The following SHMT1 variants were observed in gnomAD, a reference collection of about 807,000 sequenced individuals.
SHMT1 encodes the protein serine hydroxymethyltransferase, cytosolic.
In SHMT1, 45 loss-of-function variants were observed where a neutral mutation model predicts 49.0. That is an observed-to-expected ratio of 0.92 (90% confidence interval 0.72 to 1.18). The LOEUF (loss-of-function observed/expected upper bound fraction) is 1.18. SHMT1 is among the 50% of genes most tolerant of loss of function. SHMT1 has a pLI of 0.00. For missense variants in SHMT1, 541 were observed against 612.4 expected (o/e 0.88, Z 1.23); for synonymous variants, 232 against 246.6 (o/e 0.94, Z 0.55).
intron 5 of SHMT1, among the ~76,000 whole-genome samples, chr17:18,346,432 C>T (rs1985085759): frequency 1.3e-5 from 2 of 152,066 alleles, no homozygotes; most frequent in Non-Finnish European, 2.9e-5. Flanking sequence ...ATTTTTTGAC[C>T]CAACTGTTTA....
intron 5 of SHMT1, among the ~76,000 whole-genome samples, chr17:18,344,186 C>G (rs116754130): frequency 6.6e-6 from 1 of 152,102 alleles, no homozygotes; most frequent in Non-Finnish European, 1.5e-5. Flanking sequence ...TATAATCCAA[C>G]CCAACTATAG....
At chr17:18,359,981 C>T (rs1249108568) in intron 1 of SHMT1, among the ~76,000 whole-genome samples, 1 of 147,506 alleles carries the variant, frequency 6.8e-6, no homozygotes. Flanking sequence ...GGCACAGTGG[C>T]TCACACCTGT....
intron 7 of SHMT1, among the ~76,000 whole-genome samples, chr17:18,337,516 C>T (rs772770290): frequency 3.3e-5 from 5 of 151,944 alleles, no homozygotes; most frequent in Admixed American, 1.3e-4. Context: ...GACCCTGCCT[C>T]GGGTAAGAGT....
Position 18,328,027 on chromosome 17 carries a change from C to T in SHMT1, c.*723G>A, listed in dbSNP as rs926627914. 2.0e-5 allele frequency: 3 copies of T among 152,506 alleles called. No individual in the cohort carries two copies. The highest frequency in any genetic ancestry group is 3.8e-4 in the East Asian group (2 of 5,200). The allele number at this position is 152,506 out of a possible 1,614,324, so 9.4% of individuals were successfully genotyped here. On this transcript the variant is annotated 3_prime_UTR_variant, in exon 12 of 12. Transcript: ENST00000316694. ...TCATCTATGTTTTGCACTTCAGCTACGTGAAAATAAAATTTCTTTGGGAAG... is the reference window on the plus strand; with the variant it reads ...TCATCTATGTTTTGCACTTCAGCTATGTGAAAATAAAATTTCTTTGGGAAG...
chr17:18,341,631 G>C (rs971159050), intron 5 of SHMT1: 1 of 123,448 alleles, frequency 8.1e-6, no homozygotes, highest in Non-Finnish European at 1.6e-5. Context: ...CTGGGCAACA[G>C]AGCGAGACTC....
chr17:18,362,818 T>C (rs1202271068), intron 1 of SHMT1, among the ~76,000 whole-genome samples: 2 of 152,106 alleles, frequency 1.3e-5, no homozygotes, highest in Non-Finnish European at 2.9e-5. Flanking sequence ...GGGTGGCAGA[T>C]TGCGGGCAAC....
chr17:18,349,023 A>G (rs1385120262), intron 3 of SHMT1, among the ~76,000 whole-genome samples: 1 of 152,028 alleles, frequency 6.6e-6, no homozygotes. Context: ...ATCACATGCT[A>G]TTAATACAAC....
intron 5 of SHMT1, among the ~76,000 whole-genome samples, chr17:18,346,527 T>C (rs536347098): frequency 6.6e-6 from 1 of 152,258 alleles, no homozygotes; most frequent in Non-Finnish European, 1.5e-5. Flanking sequence ...TCTGATGGTG[T>C]TGGTTCCACT....
chr17:18,359,876 G>A (rs1986594588), intron 1 of SHMT1, among the ~76,000 whole-genome samples: 1 of 151,900 alleles, frequency 6.6e-6, no homozygotes, highest in Non-Finnish European at 1.5e-5. Flanking sequence ...AACCCAGGAG[G>A]CGGAGACTGT....
intron 5 of SHMT1, among the ~76,000 whole-genome samples, chr17:18,344,288 G>A (rs968308639): frequency 2.0e-5 from 3 of 152,154 alleles, no homozygotes; most frequent in African/African-American, 7.2e-5. Context: ...TTTTGCTTCA[G>A]GGGTGTGGTT....
intron 1 of SHMT1, among the ~76,000 whole-genome samples, 169 bp from the exon 2 acceptor site, chr17:18,356,169 CA>C (rs1170092083): frequency 1.3e-5 from 2 of 152,034 alleles, no homozygotes; most frequent in Non-Finnish European, 1.5e-5. Context: ...TCTCCTGCCT[CA>C]ATCTTCTGAC....
In SHMT1 at chr17:18,333,055, C is replaced by G. The variant is rs771186207; in HGVS notation, c.1054+111G>C. ...TGACCTCCTCCCAAGGTGGGCCCAT[C>G]ATTGCAGCTGCAGCAGCAGAGCCTG... On this transcript the variant is annotated intron_variant, in intron 9 of 11. Coordinates refer to ENST00000316694, the MANE Select transcript of SHMT1 (RefSeq NM_004169.5). 57 of 1,389,040 alleles carry G rather than the reference C, an allele frequency of 4.1e-5. No homozygotes were observed. In the African/African-American group the frequency reaches 5.9e-4, roughly 14 times the overall value. The allele number at this position is 1,389,040 out of a possible 1,614,324, so 86.0% of individuals were successfully genotyped here.
chr17:18,336,180 G>A (rs1983767946), intron 7 of SHMT1, among the ~76,000 whole-genome samples: 1 of 152,114 alleles, frequency 6.6e-6, no homozygotes, highest in Admixed American at 6.5e-5. Context: ...GGGAGGCTGA[G>A]GCAGAAGAAT....
chr17:18,331,277 C>T (rs1464233615), intron 9 of SHMT1: 1 of 187,776 alleles, frequency 5.3e-6, no homozygotes, highest in Non-Finnish European at 1.1e-5. Context: ...ACTGGGGCCT[C>T]TGCTTCTGAG....
intron 3 of SHMT1, among the ~76,000 whole-genome samples, chr17:18,351,688 C>T (rs1337114172): frequency 6.6e-6 from 1 of 151,882 alleles, no homozygotes. Context: ...GCAAGAGAAT[C>T]GCTTGAACCT....
intron 9 of SHMT1, 124 bp downstream of exon 9, chr17:18,333,042 A>C: frequency 1.6e-6 from 2 of 1,279,932 alleles, no homozygotes; most frequent in Non-Finnish European, 1.1e-6. Flanking sequence ...ACCTCCTCCC[A>C]AGGTGGGCCC....
chr17:18,332,330 G>C (rs1983302483), intron 9 of SHMT1: 1 of 152,478 alleles, frequency 6.6e-6, no homozygotes, highest in African/African-American at 2.4e-5. Context: ...CGCACATGCA[G>C]GATTGGGTGG....
intron 7 of SHMT1, 49 bp from the exon 8 acceptor site, chr17:18,335,724 T>G: frequency 7.3e-7 from 1 of 1,370,988 alleles, no homozygotes; most frequent in Non-Finnish European, 1.0e-6. Flanking sequence ...TGTCCCCTCT[T>G]TTTCTTTTTA....
At chr17:18,348,160 TC>T (rs1985295022) in intron 4 of SHMT1, 164 bp downstream of exon 4, 1 of 663,224 alleles carries the variant, frequency 1.5e-6, no homozygotes, top group Admixed American at 2.1e-5. Flanking sequence ...CCTCAGGTGG[TC>T]TGCCTGCCTC....
Sources: gnomAD v4.1 joint callset for allele counts (sites outside exome capture counted in the v4.1 genomes callset) on GRCh38, gnomAD v4.1.1 for gene constraint, MANE v1.5 for transcripts, NCBI Gene and HGNC (gene_info 2026-07-23, HGNC 2026-07-21) for gene names.